PDE1C: variants seen among roughly 807,000 people sequenced by gnomAD.
The protein encoded by PDE1C is phosphodiesterase 1C, also known as dual specificity calcium/calmodulin-dependent 3',5'-cyclic nucleotide phosphodiesterase 1C.
In PDE1C, 62 loss-of-function variants were observed where a neutral mutation model predicts 93.1. The ratio of observed to expected loss-of-function variants is 0.67; its 90% CI spans 0.54 to 0.82. The LOEUF is 0.82. Among genes scored for constraint, PDE1C ranks in the 40% least tolerant of loss-of-function variants. The pLI, the probability that PDE1C is intolerant of heterozygous loss-of-function variation, is 0.00. For synonymous variants in PDE1C, 325 were observed against 310.1 expected, an observed-to-expected ratio of 1.05 and a Z score of -0.50; for missense variants, 742 against 884.6, an observed-to-expected ratio of 0.84 and a Z score of 2.04.
At chr7:31,658,178 G>C in the PDE1C span, 1 of 1,140,986 alleles carries the variant, frequency 8.8e-7, no homozygotes, top group Non-Finnish European at 1.2e-6. Context: ...ATGTAGATTT[G>C]TGTAAGGATA....
the PDE1C span, chr7:31,707,438 C>T: frequency 1.7e-6 from 1 of 605,050 alleles, no homozygotes; most frequent in Non-Finnish European, 2.9e-6. Context: ...ATCAAATTGC[C>T]AGTCACCTCT....
chr7:32,064,105 G>A (rs1795112006), intron 1 of PDE1C, among the ~76,000 whole-genome samples: 1 of 152,108 alleles, frequency 6.6e-6, no homozygotes, highest in African/African-American at 2.4e-5. Flanking sequence ...GTATTCTCCT[G>A]GAATTGCTTT....
chr7:32,386,722 C>T (rs1192415066), intron 1 of PDE1C, among the ~76,000 whole-genome samples: 4 of 148,884 alleles, frequency 2.7e-5, no homozygotes, highest in East Asian at 2.0e-4. Context: ...GTGATCTTCT[C>T]GCCTCAGCCT....
downstream of PDE1C, among the ~76,000 whole-genome samples, chr7:31,748,004 AC>A (rs1258643665): frequency 7.1e-6 from 1 of 141,562 alleles, no homozygotes; most frequent in African/African-American, 2.6e-5. Context: ...CGTCAGTCTT[AC>A]AAAGGCAGTT....
At chr7:32,082,664 G>T (rs931968293) in intron 3 of PDE1C, among the ~76,000 whole-genome samples, 2 of 152,150 alleles carry the variant, frequency 1.3e-5, no homozygotes, top group Non-Finnish European at 2.9e-5. Context: ...ACTTCCAGAG[G>T]AACCATCGGA....
rs191410845 is a variant in PDE1C, at chr7:32,309,508, G to T, written c.311-99969C>A. ...TAAGGGCAGCCAGAGAGAAAGGTCG[G>T]GTTACCCTCAAAGGGAAGCCCATCA... On this transcript the variant is annotated intron_variant, in intron 1 of 1. Transcript: ENST00000672256. 3.9e-4 allele frequency among the ~76,000 whole-genome samples: 60 copies of T among 152,234 alleles called. No individual in the cohort carries two copies. In the East Asian group the frequency reaches 9.8e-3, roughly 25 times the overall value.
intron 2 of PDE1C, among the ~76,000 whole-genome samples, chr7:31,917,245 C>T (rs1292370068): frequency 6.6e-6 from 1 of 152,148 alleles, no homozygotes; most frequent in Non-Finnish European, 1.5e-5. Context: ...AGATAGGTTA[C>T]ATTAGATGAT....
At chr7:32,311,689 T>G (rs1735680549) in intron 1 of PDE1C, among the ~76,000 whole-genome samples, 1 of 152,024 alleles carries the variant, frequency 6.6e-6, no homozygotes, top group Non-Finnish European at 1.5e-5. Context: ...AAAAGGCCTT[T>G]GACAAAATTC....
intron 2 of PDE1C, among the ~76,000 whole-genome samples, chr7:32,014,770 T>A (rs1342382562): frequency 6.6e-6 from 1 of 152,234 alleles, no homozygotes; most frequent in East Asian, 1.9e-4. Context: ...TTCATCCATG[T>A]CTTTTTAACG....
intron 1 of PDE1C, among the ~76,000 whole-genome samples, chr7:32,391,280 G>T (rs1251798167): frequency 6.6e-6 from 1 of 152,058 alleles, no homozygotes; most frequent in Non-Finnish European, 1.5e-5. Flanking sequence ...AGCATTATAT[G>T]AAAAGGTCAA....
chr7:32,280,012 C>T (rs982671907), intron 1 of PDE1C, among the ~76,000 whole-genome samples: 3 of 152,128 alleles, frequency 2.0e-5, no homozygotes, highest in African/African-American at 4.8e-5. Context: ...AATGATCCCA[C>T]GGCAAATTGT....
At chr7:32,069,265 G>A (rs1035391135) in intron 1 of PDE1C, among the ~76,000 whole-genome samples, 1 of 152,132 alleles carries the variant, frequency 6.6e-6, no homozygotes, top group Non-Finnish European at 1.5e-5. Flanking sequence ...TTTGTCTTTT[G>A]TTTGTGTGTG....
At chr7:31,843,560 C>T (rs988044214) in intron 9 of PDE1C, among the ~76,000 whole-genome samples, 1 of 151,628 alleles carries the variant, frequency 6.6e-6, no homozygotes, top group Non-Finnish European at 1.5e-5. Flanking sequence ...TTACTTTGAA[C>T]CTTTTTGTGT....
At chr7:31,784,113 C>A (rs529364735) in intron 16 of PDE1C, 1 of 152,268 alleles carries the variant, frequency 6.6e-6, no homozygotes, top group African/African-American at 2.4e-5. Context: ...ATATTTCTCA[C>A]AAATCCAGCT....
intron 1 of PDE1C, among the ~76,000 whole-genome samples, chr7:32,262,067 T>A (rs1181746385): frequency 2.9e-5 from 4 of 139,134 alleles, no homozygotes; most frequent in Non-Finnish European, 3.1e-5. Flanking sequence ...AAAACAGCCA[T>A]CAAAAACCAG....
chr7:31,669,283 C>T, the PDE1C span, among the ~76,000 whole-genome samples: 2 of 151,986 alleles, frequency 1.3e-5, no homozygotes, highest in African/African-American at 2.4e-5. Flanking sequence ...GCAAGGTCAC[C>T]TTATATTTAG....
intron 2 of PDE1C, among the ~76,000 whole-genome samples, chr7:31,907,120 T>C (rs1800702939): frequency 6.6e-6 from 1 of 151,214 alleles, no homozygotes; most frequent in Non-Finnish European, 1.5e-5. Context: ...GGGCCAGAAC[T>C]AATTTCAGAT....
At chr7:32,348,791 C>G (rs215685) in intron 1 of PDE1C, among the ~76,000 whole-genome samples, 1 of 152,072 alleles carries the variant, frequency 6.6e-6, no homozygotes, top group African/African-American at 2.4e-5. Context: ...ATTGAAGCTC[C>G]TATTCCAGAA....
intron 2 of PDE1C, among the ~76,000 whole-genome samples, chr7:32,031,976 C>T (rs1253374296): frequency 1.3e-5 from 2 of 152,016 alleles, no homozygotes; most frequent in Non-Finnish European, 2.9e-5. Context: ...TAGTCAGAGA[C>T]TAGATGCTTG....
Sources: allele counts gnomAD v4.1 joint callset (sites outside exome capture counted in the v4.1 genomes callset), GRCh38; gene constraint gnomAD v4.1.1; transcripts MANE v1.5; gene names NCBI Gene and HGNC (gene_info 2026-07-23, HGNC 2026-07-21).